Variants in PNPLA7 observed in about 807,000 individuals in gnomAD.
PNPLA7 encodes patatin like domain 7, lysophospholipase.
A neutral mutation model predicts 161.7 loss-of-function variants in PNPLA7; 153 were observed. The ratio of observed to expected loss-of-function variants is 0.95; its 90% CI spans 0.83 to 1.08. The LOEUF (loss-of-function observed/expected upper bound fraction) is 1.08. Among genes scored for constraint, PNPLA7 ranks in the 50% least tolerant of loss-of-function variants. PNPLA7 has a pLI of 0.00. For missense variants in PNPLA7, 1,739 were observed against 1,856.6 expected (o/e 0.94, Z 1.16); for synonymous variants, 809 against 782.1 (o/e 1.03, Z -0.57).
chr9:137,522,884 A>G (rs111631879), intron 8 of PNPLA7, 27 bp from the exon 9 acceptor site: 3 of 1,609,872 alleles, frequency 1.9e-6, no homozygotes, highest in African/African-American at 2.7e-5. Context: ...ATCAGTCCCC[A>G]CTCTGTGGGC....
intron 8 of PNPLA7, among the ~76,000 whole-genome samples, chr9:137,532,772 G>A (rs1835645213): frequency 6.6e-6 from 1 of 152,164 alleles, no homozygotes; most frequent in Non-Finnish European, 1.5e-5. Flanking sequence ...GACCCCAACA[G>A]GCTGGAAATG....
At chr9:137,522,913 A>G (rs1246884067) in intron 8 of PNPLA7, 56 bp from the exon 9 acceptor site, 1 of 1,597,856 alleles carries the variant, frequency 6.3e-7, no homozygotes, top group African/African-American at 1.3e-5. Flanking sequence ...CCCCCCAGGG[A>G]ATGCCAAGGC....
intron 11 of PNPLA7, among the ~76,000 whole-genome samples, chr9:137,519,654 T>C (rs1834883115): frequency 7.3e-6 from 1 of 137,714 alleles, no homozygotes. Flanking sequence ...TGATGAGACC[T>C]GGGGGGCATG....
chr9:137,503,958 G>GGAAGAATGAA (rs2132327924), intron 14 of PNPLA7, among the ~76,000 whole-genome samples: 1 of 62,214 alleles, frequency 1.6e-5, no homozygotes, highest in East Asian at 5.3e-4. Context: ...TGAAGAAGAA[G>GGAAGAATGAA]GAAGAAGGAA....
At position 137,523,386 on chromosome 9, in the gene PNPLA7, G is replaced by A. The variant is rs1564351681; in HGVS notation, c.748-529C>T. 2.0e-5 allele frequency among the ~76,000 whole-genome samples: 3 copies of A among 152,192 alleles called. No individual in the cohort carries two copies. The highest frequency in any genetic ancestry group is 1.3e-4 in the Admixed American group (2 of 15,282). On this transcript the variant is annotated intron_variant, in intron 8 of 34. Coordinates refer to ENST00000406427, the MANE Select transcript of PNPLA7 (RefSeq NM_001098537.3). This position sits in a 1 kb window ranked among gnomAD's most constrained non-coding sequence, Gnocchi z 4.4. ...GGGTCGCACGAGGCCCAGGTGAGGA[G>A]CCACAGTGGCTCACCGCGTGGATGT...
intron 9 of PNPLA7, among the ~76,000 whole-genome samples, chr9:137,522,476 C>T (rs565377941): frequency 1.5e-4 from 23 of 152,378 alleles, no homozygotes; most frequent in Admixed American, 2.6e-4. Flanking sequence ...AGGCGTGAGC[C>T]GCCGCGCCCG....
At chr9:137,501,145 C>T (rs71510829) in intron 15 of PNPLA7, among the ~76,000 whole-genome samples, 3 of 152,214 alleles carry the variant, frequency 2.0e-5, no homozygotes, top group Non-Finnish European at 4.4e-5. Flanking sequence ...ACCTGCACAC[C>T]TTCCCTCCCG....
Position 137,541,390 on chromosome 9 carries a change from A to G in PNPLA7, c.667-668T>C. 1.0e-6 allele frequency: 1 copy of G among 983,606 alleles called. No homozygotes were observed. The highest frequency in any genetic ancestry group is 1.2e-6 in the Non-Finnish European group (1 of 828,282). The allele number at this position is 983,606 out of a possible 1,614,324, so 60.9% of individuals were successfully genotyped here. A position where few individuals can be genotyped will look rare whatever the true frequency, so the allele number is the denominator to read the frequency against. ...CCCTTTCCCTTCTAATAACCCATCA[A>G]GTCCAGCCACAGACAAAGCGACAAA... is the stretch of plus-strand genomic sequence containing the variant. On this transcript the variant is annotated intron_variant, in intron 7 of 34. Coordinates refer to ENST00000406427, the MANE Select transcript of PNPLA7 (RefSeq NM_001098537.3). This position sits in a 1 kb window ranked among gnomAD's most constrained non-coding sequence, Gnocchi z 4.4.
Position 137,497,174 on chromosome 9 carries a change from GCC to G in PNPLA7, c.2013+11_2013+12del. 1 of 1,561,202 alleles carries G rather than the reference GCC, an allele frequency of 6.4e-7. No individual in the cohort carries two copies. The highest frequency in any genetic ancestry group is 8.7e-7 in the Non-Finnish European group (1 of 1,155,140). On this transcript the variant is annotated intron_variant, in intron 18 of 34. Coordinates refer to ENST00000406427, the MANE Select transcript of PNPLA7 (RefSeq NM_001098537.3). The stretch of plus-strand genomic sequence containing the variant: ...CAGAGGTGGGGGAGGCAGGAGCAGG[GCC>G]CAGCACCTACCACGCCGACGAGGTC...
chr9:137,512,658 G>A (rs190188081), intron 12 of PNPLA7, among the ~76,000 whole-genome samples: 4 of 152,314 alleles, frequency 2.6e-5, no homozygotes, highest in Admixed American at 2.6e-4. Context: ...AACAACAACT[G>A]GGCCAGGTGC....
chr9:137,522,396 G>A (rs548203364), intron 9 of PNPLA7, among the ~76,000 whole-genome samples: 83 of 148,518 alleles, frequency 5.6e-4, no homozygotes, highest in African/African-American at 2.1e-3. Flanking sequence ...TTCACCGTGT[G>A]AGCCAGGATG....
intron 7 of PNPLA7, among the ~76,000 whole-genome samples, chr9:137,542,008 G>T (rs767656290): frequency 6.6e-6 from 1 of 152,116 alleles, no homozygotes; most frequent in East Asian, 1.9e-4. Context: ...TCTCTAAGCC[G>T]TGGGCTCAGG....
At chr9:137,505,815 C>A in intron 13 of PNPLA7, 55 bp from the exon 14 acceptor site, 23 of 1,602,830 alleles carry the variant, frequency 1.4e-5, no homozygotes, top group Non-Finnish European at 2.0e-5. Context: ...GGGAACATCG[C>A]ACAAGGGTGT....
At chr9:137,548,601 A>T (rs1836671935) in intron 1 of PNPLA7, among the ~76,000 whole-genome samples, 1 of 152,100 alleles carries the variant, frequency 6.6e-6, no homozygotes, top group Admixed American at 6.5e-5. Context: ...TTCAAAAATT[A>T]GCCGGGCGTG....
chr9:137,464,879 A>G, intron 26 of PNPLA7: 1 of 205,728 alleles, frequency 4.9e-6, no homozygotes, highest in Non-Finnish European at 1.0e-5. Flanking sequence ...GACACAGTGG[A>G]TTGCTTTCGG....
intron 11 of PNPLA7, chr9:137,516,647 A>G: frequency 2.3e-6 from 1 of 426,780 alleles, no homozygotes; most frequent in Non-Finnish European, 3.1e-6. Flanking sequence ...CATCTTTACA[A>G]AAATTTAAAA....
chr9:137,460,238 G>T lies in PNPLA7; in HGVS notation c.*155C>A. The T allele has an allele frequency of 1.5e-6, 1 of 656,954 alleles. No homozygotes were observed. The highest frequency in any genetic ancestry group is 2.6e-6 in the Non-Finnish European group (1 of 387,100). The allele number at this position is 656,954 out of a possible 1,614,324, so 40.7% of individuals were successfully genotyped here. The stretch of plus-strand genomic sequence containing the variant: ...CTGTATGCAGGGCTGCTGGTACAAA[G>T]AAGAGGCCCAGAGAACCCTAACACA... On this transcript the variant is annotated 3_prime_UTR_variant, in exon 35 of 35. Coordinates refer to ENST00000406427, the MANE Select transcript of PNPLA7 (RefSeq NM_001098537.3).
rs558863883 is a variant in PNPLA7 at position 137,508,620 on chromosome 9, A to G, written c.1226-2537T>C. ...AAGAAAAGGATATATCTTGACCCCTACTCACTTTCTACAAAAGAATAAATT... is the reference window on the plus strand; with the variant it reads ...AAGAAAAGGATATATCTTGACCCCTGCTCACTTTCTACAAAAGAATAAATT... On this transcript the variant is annotated intron_variant, in intron 12 of 34. Coordinates refer to ENST00000406427, the MANE Select transcript of PNPLA7 (RefSeq NM_001098537.3). Among the ~76,000 whole-genome samples the G allele has an allele frequency of 1.4e-4, 22 of 152,228 alleles. No homozygotes were observed. In the South Asian group the frequency reaches 4.1e-3, roughly 29 times the overall value.
chr9:137,542,967 G>A (rs144298057), intron 6 of PNPLA7, among the ~76,000 whole-genome samples, 166 bp from the exon 7 acceptor site: 6 of 152,278 alleles, frequency 3.9e-5, no homozygotes, highest in Non-Finnish European at 8.8e-5. Flanking sequence ...AAACACAACC[G>A]TCAACTTCTG....
Sources: gnomAD v4.1 joint callset for allele counts (sites outside exome capture counted in the v4.1 genomes callset) on GRCh38, gnomAD v4.1.1 for gene constraint, Gnocchi (gnomAD v3.1) non-coding constraint, MANE v1.5 for transcripts, NCBI Gene and HGNC (gene_info 2026-07-23, HGNC 2026-07-21) for gene names.